CMTM8: variants seen among roughly 807,000 people sequenced by gnomAD.
CMTM8 encodes the protein CKLF-like MARVEL transmembrane domain-containing protein 8.
Under a neutral mutation model 18.6 loss-of-function variants are expected in CMTM8, and 12 were observed. The ratio of observed to expected loss-of-function variants is 0.65; its 90% CI spans 0.41 to 1.05. The LOEUF (loss-of-function observed/expected upper bound fraction) is 1.05, where lower values mean the gene tolerates loss of function less well. Among genes scored for constraint, CMTM8 ranks in the 50% least tolerant of loss-of-function variants. CMTM8 has a pLI of 0.00. For synonymous variants in CMTM8, 87 were observed against 90.6 expected (o/e 0.96, Z 0.23); for missense variants, 217 against 227.2 (o/e 0.95, Z 0.29).
intron 1 of CMTM8, among the ~76,000 whole-genome samples, chr3:32,302,955 A>G (rs1176908490): frequency 6.6e-6 from 1 of 152,166 alleles, no homozygotes. Flanking sequence ...TCACACTTAA[A>G]TACCCAGGTG....
At chr3:32,252,611 A>G (rs959084443) in intron 1 of CMTM8, among the ~76,000 whole-genome samples, 1 of 152,188 alleles carries the variant, frequency 6.6e-6, no homozygotes. Flanking sequence ...TCAATTTCTG[A>G]TAAATGGGAT....
In CMTM8 at chr3:32,357,396, G is replaced by A. The variant is rs755491818; in HGVS notation, c.171G>A (p.Thr57=). ...AGGTTCTGGGGCTGCTGGTATGGAC[G>A]CTTATTGCTGGAACTGAGTACTTCC... ...AEIVLGLLVW[T]LIAGTEYFRV... Residue 57 remains threonine, a synonymous_variant, in exon 2 of 4, where the codon ACG becomes ACA. Transcript: ENST00000307526. 1.5e-5 allele frequency: 25 copies of A among 1,613,596 alleles called. No homozygotes were observed. The highest frequency in any genetic ancestry group is 1.9e-5 in the Non-Finnish European group (23 of 1,179,972).
In CMTM8 at chr3:32,310,858, G is replaced by C. The variant is rs190038309; in HGVS notation, c.148-46515G>C. ...TTGGAAAAAAATGTTAAACACCTATGCTGCTATAATTTTTGCTTTTCTTTC... is the reference window on the plus strand; with the variant it reads ...TTGGAAAAAAATGTTAAACACCTATCCTGCTATAATTTTTGCTTTTCTTTC... On this transcript the variant is annotated intron_variant, in intron 1 of 3. Coordinates refer to ENST00000307526, the MANE Select transcript of CMTM8 (RefSeq NM_178868.5). Among the ~76,000 whole-genome samples, 51 of 152,324 alleles carry C rather than the reference G, an allele frequency of 3.3e-4. 2 individuals are homozygous for C. The South Asian group carries it at 9.7e-3, about 29-fold the overall frequency.
At chr3:32,311,154 A>G (rs1695813034) in intron 1 of CMTM8, among the ~76,000 whole-genome samples, 2 of 152,222 alleles carry the variant, frequency 1.3e-5, no homozygotes, top group Admixed American at 6.5e-5. Context: ...CCAGCCCATG[A>G]CGTGTTTTTG....
At chr3:32,309,709 G>A (rs79648973) in intron 1 of CMTM8, among the ~76,000 whole-genome samples, 20,989 of 152,156 alleles carry the variant, frequency 0.14, 1,676 homozygotes, top group Admixed American at 0.2. Flanking sequence ...AGTCGGTCAT[G>A]CTTTCAGTAA....
intron 1 of CMTM8, among the ~76,000 whole-genome samples, chr3:32,295,479 C>A (rs9882436): frequency 0.59 from 47,331 of 80,570 alleles, 15,467 homozygotes; most frequent in South Asian, 0.64. Flanking sequence ...AAAAAAAAAA[C>A]AAAACAAAAC....
chr3:32,348,380 A>G (rs566162170), intron 1 of CMTM8, among the ~76,000 whole-genome samples: 4 of 152,138 alleles, frequency 2.6e-5, no homozygotes, highest in East Asian at 3.9e-4. Flanking sequence ...ATTTGGGTCT[A>G]TTTCATCCAC....
At chr3:32,245,037 G>A (rs557081173) in intron 1 of CMTM8, among the ~76,000 whole-genome samples, 2 of 152,228 alleles carry the variant, frequency 1.3e-5, no homozygotes, top group Admixed American at 6.5e-5. Flanking sequence ...TTTTGTTCAT[G>A]TTTTAATATC....
chr3:32,278,447 G>A (rs964037231), intron 1 of CMTM8, among the ~76,000 whole-genome samples: 1 of 152,160 alleles, frequency 6.6e-6, no homozygotes, highest in African/African-American at 2.4e-5. Context: ...AAGAGTCATT[G>A]TCATTTATTT....
At chr3:32,309,916 G>A (rs1315148922) in intron 1 of CMTM8, among the ~76,000 whole-genome samples, 1 of 152,202 alleles carries the variant, frequency 6.6e-6, no homozygotes, top group Non-Finnish European at 1.5e-5. Context: ...CTGCCCCCAG[G>A]CATCAGATGA....
rs149548450 is a variant in CMTM8, at chr3:32,320,607, T to G, written c.148-36766T>G. Among the ~76,000 whole-genome samples, 28 of 152,346 alleles carry G rather than the reference T, an allele frequency of 1.8e-4. No homozygotes were observed. The East Asian group carries it at 5.4e-3, about 29-fold the overall frequency. On this transcript the variant is annotated intron_variant, in intron 1 of 3. Transcript: ENST00000307526. Reference sequence around the variant, plus strand: ...CTATTGTGTACTTTAAGTGGTTGAATTTATGGTATATGAATTATCTCTCAA... The same window carrying G: ...CTATTGTGTACTTTAAGTGGTTGAAGTTATGGTATATGAATTATCTCTCAA...
intron 2 of CMTM8, among the ~76,000 whole-genome samples, chr3:32,361,295 TC>T (rs201932959): frequency 3.4e-5 from 5 of 146,592 alleles, no homozygotes; most frequent in Admixed American, 6.9e-5. Context: ...AGTTTTTTTT[TC>T]TTTCAAATTT....
At chr3:32,275,666 T>TTTTTTTTTTGG (rs144431874) in intron 1 of CMTM8, among the ~76,000 whole-genome samples, 1 of 93,388 alleles carries the variant, frequency 1.1e-5, no homozygotes, top group African/African-American at 3.9e-5. Flanking sequence ...TTTTTTTTTT[T>TTTTTTTTTTGG]GGGGACAGAG....
At chr3:32,311,412 G>T (rs146678117) in intron 1 of CMTM8, among the ~76,000 whole-genome samples, 107 of 152,308 alleles carry the variant, frequency 7.0e-4, no homozygotes, top group African/African-American at 2.5e-3. Flanking sequence ...TTGCCATCTG[G>T]CAGGACTTCG....
chr3:32,259,143 C>T lies in CMTM8; in HGVS notation c.147+20024C>T, dbSNP rs148421106. 1.1e-3 allele frequency: 475 copies of T among 420,722 alleles called. 2 individuals are homozygous for T. Among genetic ancestry groups the T allele is most frequent in the African/African-American group, 8.2e-3 (400 of 48,722 alleles). 26.1% of individuals were successfully genotyped at this position (420,722 alleles called of 1,614,324 possible). ...GTGGCATGGGGTCCGGGGACCTGGC[C>T]GCAGGGACGGCCAGGGGTCTGGCAG... is the stretch of plus-strand genomic sequence containing the variant. On this transcript the variant is annotated intron_variant, in intron 1 of 3. Coordinates refer to ENST00000307526, the MANE Select transcript of CMTM8 (RefSeq NM_178868.5).
intron 1 of CMTM8, among the ~76,000 whole-genome samples, chr3:32,341,506 T>A (rs1354266807): frequency 6.6e-6 from 1 of 152,180 alleles, no homozygotes; most frequent in Non-Finnish European, 1.5e-5. Flanking sequence ...ATATGTATTA[T>A]CTCTATTTAT....
At chr3:32,357,920 C>A (rs1448235192) in intron 2 of CMTM8, among the ~76,000 whole-genome samples, 1 of 152,188 alleles carries the variant, frequency 6.6e-6, no homozygotes, top group Non-Finnish European at 1.5e-5. Flanking sequence ...TCCTATAAAC[C>A]TCTCCTGGGG....
chr3:32,302,830 C>T (rs1260689517), intron 1 of CMTM8, among the ~76,000 whole-genome samples: 8 of 152,198 alleles, frequency 5.3e-5, no homozygotes, highest in Admixed American at 2.6e-4. Context: ...TACCTGAAGT[C>T]TGTAACTTCA....
intron 1 of CMTM8, among the ~76,000 whole-genome samples, chr3:32,347,352 A>G (rs1290776403): frequency 6.9e-6 from 1 of 145,688 alleles, no homozygotes; most frequent in Non-Finnish European, 1.5e-5. Flanking sequence ...TCTAGAAACA[A>G]CTCGCCTGCA....
Sources: gnomAD v4.1 joint callset for allele counts (sites outside exome capture counted in the v4.1 genomes callset) on GRCh38, gnomAD v4.1.1 for gene constraint, MANE v1.5 for transcripts, NCBI Gene and HGNC (gene_info 2026-07-23, HGNC 2026-07-21) for gene names.